Variants in USP43 observed in about 807,000 individuals in gnomAD.
The protein encoded by USP43 is ubiquitin specific peptidase 43.
In USP43, 33 loss-of-function variants were observed where a neutral mutation model predicts 90.7. That is an observed-to-expected ratio of 0.36 (90% CI 0.28 to 0.49). USP43 has a LOEUF of 0.49. USP43 is among the 20% of genes least tolerant of loss of function. USP43 has a pLI of 0.98. For missense variants in USP43, 1,274 were observed against 1,476.4 expected (o/e 0.86, Z 2.25); for synonymous variants, 598 against 615.8 (o/e 0.97, Z 0.43).
chr17:9,707,646 C>CA (rs34253588), intron 12 of USP43, among the ~76,000 whole-genome samples: 22,026 of 86,750 alleles, frequency 0.25, 2,797 homozygotes, highest in African/African-American at 0.35. Flanking sequence ...GACTCTGTCT[C>CA]AAAAAAAAAA....
In USP43 at chr17:9,686,973, G is replaced by T. The variant is rs1914632766; in HGVS notation, c.1353+64G>T. 2 of 1,469,262 alleles carry T rather than the reference G, an allele frequency of 1.4e-6. No individual in the cohort carries two copies. Among genetic ancestry groups the T allele is most frequent in the East Asian group, 2.3e-5 (1 of 43,358 alleles). The allele number at this position is 1,469,262 out of a possible 1,614,324, so 91.0% of individuals were successfully genotyped here. On this transcript the variant is annotated intron_variant, in intron 8 of 14. Coordinates refer to ENST00000285199, the MANE Select transcript of USP43 (RefSeq NM_153210.5). This position sits in a 1 kb window ranked among gnomAD's most constrained non-coding sequence, Gnocchi z 5.5. ...TGCGCATGTGCATGCGTGTGTGTGG[G>T]TGTGTGTATTGGGAGGGGTGGAATT...
intron 2 of USP43, among the ~76,000 whole-genome samples, chr17:9,666,016 T>C (rs954370931): frequency 1.3e-5 from 2 of 152,014 alleles, no homozygotes; most frequent in Admixed American, 1.3e-4. Flanking sequence ...TGTGAGAGAG[T>C]AAGCTATTGT....
chr17:9,725,496 G>C (rs371322087), intron 14 of USP43, among the ~76,000 whole-genome samples: 6 of 152,294 alleles, frequency 3.9e-5, no homozygotes, highest in Admixed American at 2.0e-4. Context: ...TGATGTGAGC[G>C]TGGGGGCCTC....
chr17:9,689,994 A>C (rs548174728), intron 8 of USP43, among the ~76,000 whole-genome samples: 117 of 152,266 alleles, frequency 7.7e-4, no homozygotes, highest in African/African-American at 2.6e-3. Flanking sequence ...TCTTTGTTGA[A>C]GCCGTAGACG....
chr17:9,678,398 C>T (rs1237014894), intron 5 of USP43, among the ~76,000 whole-genome samples: 1 of 152,196 alleles, frequency 6.6e-6, no homozygotes, highest in Non-Finnish European at 1.5e-5. Context: ...CCCTCTGTCG[C>T]CAGGCTGGAG....
intron 14 of USP43, among the ~76,000 whole-genome samples, chr17:9,725,012 T>A (rs1435117326): frequency 6.6e-6 from 1 of 152,086 alleles, no homozygotes. Context: ...TGATGCATAC[T>A]TCATTGGCCA....
At chr17:9,681,345 TAA>T (rs1914220309) in intron 6 of USP43, among the ~76,000 whole-genome samples, 1 of 112,220 alleles carries the variant, frequency 8.9e-6, no homozygotes, top group Non-Finnish European at 1.7e-5. Flanking sequence ...AATATATATA[TAA>T]ATAAAATAAA....
At chr17:9,654,143 T>A (rs1250229164) in intron 1 of USP43, among the ~76,000 whole-genome samples, 4 of 152,188 alleles carry the variant, frequency 2.6e-5, no homozygotes, top group African/African-American at 9.7e-5. Context: ...GGTTGCCAGA[T>A]GAAAAATATT....
chr17:9,673,199 C>T (rs1444787933), intron 3 of USP43, among the ~76,000 whole-genome samples: 2 of 152,102 alleles, frequency 1.3e-5, no homozygotes, highest in African/African-American at 2.4e-5. Context: ...TTGGTATGTA[C>T]ATGTGGAATA....
At chr17:9,660,802 A>G (rs880334) in intron 2 of USP43, among the ~76,000 whole-genome samples, 43,999 of 151,882 alleles carry the variant, frequency 0.29, 6,568 homozygotes, top group East Asian at 0.41. Context: ...AGCTTACCCC[A>G]CCCTTGGTTT....
chr17:9,712,319 A>G (rs1597883496), intron 14 of USP43, among the ~76,000 whole-genome samples, 187 bp downstream of exon 14: 2 of 151,294 alleles, frequency 1.3e-5, no homozygotes, highest in Non-Finnish European at 2.9e-5. Flanking sequence ...CCCATCCTCT[A>G]CCCTCCAGCC....
At chr17:9,717,565 C>T (rs1214300652) in intron 14 of USP43, among the ~76,000 whole-genome samples, 1 of 152,018 alleles carries the variant, frequency 6.6e-6, no homozygotes, top group Non-Finnish European at 1.5e-5. Context: ...GCAGTTTGCT[C>T]ATTCTCCCCA....
chr17:9,656,127 C>T (rs1161532913), intron 1 of USP43, among the ~76,000 whole-genome samples: 2 of 152,126 alleles, frequency 1.3e-5, no homozygotes, highest in Admixed American at 1.3e-4. Context: ...TCAACAGAGA[C>T]CACTCTGTGG....
intron 14 of USP43, among the ~76,000 whole-genome samples, chr17:9,726,591 A>T (rs1025132795): frequency 3.3e-5 from 5 of 152,140 alleles, no homozygotes; most frequent in African/African-American, 9.7e-5. Context: ...TCTTCTTAGA[A>T]GGTCACTAAT....
chr17:9,694,726 C>G (rs1301237868), intron 9 of USP43, among the ~76,000 whole-genome samples: 1 of 152,010 alleles, frequency 6.6e-6, no homozygotes, highest in Non-Finnish European at 1.5e-5. Flanking sequence ...TGGGTTCGAG[C>G]GATTTTCCTG....
chr17:9,714,603 A>G (rs1916388062), intron 14 of USP43, among the ~76,000 whole-genome samples: 1 of 150,574 alleles, frequency 6.6e-6, no homozygotes, highest in African/African-American at 2.5e-5. Flanking sequence ...GAATCGCTTG[A>G]ACCTGGGAGG....
intron 2 of USP43, among the ~76,000 whole-genome samples, chr17:9,663,708 C>T (rs1912806636): frequency 6.6e-6 from 1 of 152,188 alleles, no homozygotes; most frequent in African/African-American, 2.4e-5. Flanking sequence ...ACTGCAACCT[C>T]TGCCTCCAGG....
chr17:9,657,405 G>T (rs1418828150), intron 2 of USP43, among the ~76,000 whole-genome samples: 1 of 151,922 alleles, frequency 6.6e-6, no homozygotes, highest in African/African-American at 2.4e-5. Flanking sequence ...TACTCGGGAG[G>T]CTGAGGCAGG....
At chr17:9,707,681 TTTTA>T (rs1336410876) in intron 12 of USP43, among the ~76,000 whole-genome samples, 1 of 152,074 alleles carries the variant, frequency 6.6e-6, no homozygotes, top group African/African-American at 2.4e-5. Context: ...ATATTTCATT[TTTTA>T]TTTATTAAAC....
Sources: gnomAD v4.1 joint callset for allele counts (sites outside exome capture counted in the v4.1 genomes callset) on GRCh38, gnomAD v4.1.1 for gene constraint, Gnocchi (gnomAD v3.1) non-coding constraint, MANE v1.5 for transcripts, NCBI Gene and HGNC (gene_info 2026-07-23, HGNC 2026-07-21) for gene names.